Variants in OTUD4 observed in about 807,000 individuals in gnomAD.
OTUD4 encodes OTU domain-containing protein 4.
OTUD4 carries 24 observed loss-of-function variants against 130.4 expected under a neutral mutation model. The observed-to-expected ratio is 0.18, with a 90% CI of 0.13 to 0.26. The LOEUF (loss-of-function observed/expected upper bound fraction) is 0.26. Among genes scored for constraint, OTUD4 ranks in the 10% least tolerant of loss-of-function variants. The pLI is 1.00. For missense variants in OTUD4, 1,031 were observed against 1,329.4 expected (o/e 0.78, Z 3.49); for synonymous variants, 420 against 472.5 (o/e 0.89, Z 1.44).
At chr4:145,157,217 C>T (rs1375300587) in intron 7 of OTUD4, among the ~76,000 whole-genome samples, 1 of 152,032 alleles carries the variant, frequency 6.6e-6, no homozygotes, top group Admixed American at 6.5e-5. Flanking sequence ...AATAAGTAGG[C>T]AAAAAATGAG....
chr4:145,152,976 C>A lies in OTUD4; in HGVS notation c.874-341G>T, dbSNP rs1045525806. Among the ~76,000 whole-genome samples the A allele has an allele frequency of 3.9e-5, 6 of 151,962 alleles. No individual in the cohort carries two copies. In the South Asian group the frequency reaches 1.2e-3, roughly 32 times the overall value. ...TCTCAAACTCCTGACCTCAAGTGAT[C>A]CACCCGCCTAGGCCTCCCGAAGTGC... On this transcript the variant is annotated intron_variant, in intron 10 of 20. Transcript: ENST00000447906.
At chr4:145,151,273 T>C (rs1751054572) in intron 11 of OTUD4, among the ~76,000 whole-genome samples, 1 of 152,112 alleles carries the variant, frequency 6.6e-6, no homozygotes, top group African/African-American at 2.4e-5. Context: ...GGTGTGATGT[T>C]TGGATTCCTT....
In OTUD4 at chr4:145,138,225, T is replaced by C; in HGVS notation, c.2550A>G (p.Pro850=). ...PSFGPNPFLG[P]VPIAPPFFPH... Reference sequence around the variant, plus strand: ...GAAAGAAAGGAGGTGCAATAGGAACTGGGCCTAAGAATGGATTGGGTCCAA... The same window carrying C: ...GAAAGAAAGGAGGTGCAATAGGAACCGGGCCTAAGAATGGATTGGGTCCAA... Residue 850 remains proline, a synonymous_variant, in exon 21 of 21, where the codon CCA becomes CCG. Transcript: ENST00000447906. 6.2e-7 allele frequency: 1 copy of C among 1,614,000 alleles called. No homozygotes were observed. The highest frequency in any genetic ancestry group is 1.1e-5 in the South Asian group (1 of 91,074).
chr4:145,171,445 T>G (rs1730027108), intron 3 of OTUD4: 1 of 427,272 alleles, frequency 2.3e-6, no homozygotes, highest in African/African-American at 2.1e-5. Context: ...CATGCCATTA[T>G]AGCCAAGATA....
rs536374391 is a variant in OTUD4, at chr4:145,144,493, C to T, written c.1423-59G>A. 4.8e-5 allele frequency: 73 copies of T among 1,509,846 alleles called. No individual in the cohort carries two copies. The African/African-American group carries it at 9.6e-4, about 20-fold the overall frequency. 93.5% of individuals were successfully genotyped at this position (1,509,846 alleles called of 1,614,324 possible). A position where few individuals can be genotyped will look rare whatever the true frequency, so the allele number is the denominator to read the frequency against. On this transcript the variant is annotated intron_variant, in intron 14 of 20. Coordinates refer to ENST00000447906, the MANE Select transcript of OTUD4 (RefSeq NM_001366057.1). ...AAAGATTTACCCACAGATACATGAA[C>T]AAATTCTGTAATTAATCTCACTCTT...
intron 15 of OTUD4, 106 bp from the exon 16 acceptor site, chr4:145,144,107 A>G (rs1012605444): frequency 5.1e-5 from 56 of 1,092,510 alleles, no homozygotes; most frequent in Non-Finnish European, 7.5e-5. Context: ...TATTTGAACC[A>G]TGTTTAGTCA....
chr4:145,175,775 C>G (rs901736207), intron 1 of OTUD4, among the ~76,000 whole-genome samples: 6 of 152,024 alleles, frequency 3.9e-5, no homozygotes, highest in African/African-American at 1.5e-4. Context: ...AAACTCCTGA[C>G]CTCGTGATCC....
intron 17 of OTUD4, among the ~76,000 whole-genome samples, chr4:145,143,067 A>G (rs949989150): frequency 6.6e-6 from 1 of 152,244 alleles, no homozygotes; most frequent in East Asian, 1.9e-4. Flanking sequence ...AAATCTACCA[A>G]AGTAATACAA....
chr4:145,144,270 G>C, intron 15 of OTUD4, 41 bp downstream of exon 15: 1 of 1,590,386 alleles, frequency 6.3e-7, no homozygotes, highest in Non-Finnish European at 8.5e-7. Flanking sequence ...GTCATCTAAA[G>C]AGATCTCTAG....
intron 7 of OTUD4, among the ~76,000 whole-genome samples, chr4:145,156,450 C>T (rs932492426): frequency 6.6e-6 from 1 of 152,118 alleles, no homozygotes; most frequent in Non-Finnish European, 1.5e-5. Context: ...TTGGGAGGCA[C>T]AGGCAGGCAG....
At chr4:145,142,917 T>C (rs1298991676) in intron 17 of OTUD4, among the ~76,000 whole-genome samples, 1 of 152,250 alleles carries the variant, frequency 6.6e-6, no homozygotes, top group Non-Finnish European at 1.5e-5. Flanking sequence ...TGTAAATTGG[T>C]ATTTTTTTAA....
At chr4:145,164,859 T>C (rs573455829) in intron 4 of OTUD4, among the ~76,000 whole-genome samples, 1 of 152,318 alleles carries the variant, frequency 6.6e-6, no homozygotes, top group Admixed American at 6.5e-5. Flanking sequence ...TCAATACCAC[T>C]GACCCTGAGA....
intron 11 of OTUD4, among the ~76,000 whole-genome samples, chr4:145,151,154 T>C (rs1419045856): frequency 6.6e-6 from 1 of 152,138 alleles, no homozygotes; most frequent in Non-Finnish European, 1.5e-5. Flanking sequence ...AAGCAAAAGT[T>C]AAATAAATAC....
chr4:145,171,903 T>C (rs553523875), intron 2 of OTUD4, among the ~76,000 whole-genome samples, 183 bp from the exon 3 acceptor site: 1 of 152,314 alleles, frequency 6.6e-6, no homozygotes, highest in African/African-American at 2.4e-5. Flanking sequence ...TTAAAGACTA[T>C]AAACATACAA....
chr4:145,163,641 C>A (rs1422887097), intron 5 of OTUD4, among the ~76,000 whole-genome samples: 2 of 148,442 alleles, frequency 1.3e-5, no homozygotes, highest in African/African-American at 5.0e-5. Flanking sequence ...GGGTTAAATA[C>A]AGTAACTTGT....
chr4:145,150,747 A>G (rs1010969841), intron 12 of OTUD4, 48 bp from the exon 13 acceptor site: 28 of 1,606,668 alleles, frequency 1.7e-5, no homozygotes, highest in Non-Finnish European at 2.4e-5. Flanking sequence ...ATTATAAACA[A>G]TCCCAAGTAC....
Position 145,164,152 on chromosome 4 carries a change from A to G in OTUD4, c.414+2T>C. 1 of 1,384,092 alleles carries G rather than the reference A, an allele frequency of 7.2e-7. No individual in the cohort carries two copies. Among genetic ancestry groups the G allele is most frequent in the Non-Finnish European group, 1.0e-6 (1 of 995,256 alleles). The allele number at this position is 1,384,092 out of a possible 1,614,324, so 85.7% of individuals were successfully genotyped here. A position where few individuals can be genotyped will look rare whatever the true frequency, so the allele number is the denominator to read the frequency against. The stretch of plus-strand genomic sequence containing the variant: ...CTTTAGAACACTTTGAAAAATTCTT[A>G]CCTTTTCAGGAAAATTATTTTCTGT... On this transcript the variant is annotated splice_donor_variant, in intron 5 of 20. Transcript: ENST00000447906. LOFTEE classifies it high-confidence loss of function.
At chr4:145,160,683 C>T (rs1751516305) in intron 6 of OTUD4, among the ~76,000 whole-genome samples, 1 of 152,048 alleles carries the variant, frequency 6.6e-6, no homozygotes, top group Non-Finnish European at 1.5e-5. Flanking sequence ...TGTGGTGGTG[C>T]ACACCTGTAA....
At chr4:145,141,168 C>CAAA (rs1200809073) in intron 19 of OTUD4, among the ~76,000 whole-genome samples, 1 of 54,878 alleles carries the variant, frequency 1.8e-5, no homozygotes, top group African/African-American at 6.3e-5. Flanking sequence ...GACTCCGTCT[C>CAAA]AAAAAAAAAA....
Sources: allele counts gnomAD v4.1 joint callset (sites outside exome capture counted in the v4.1 genomes callset), GRCh38; gene constraint gnomAD v4.1.1; transcripts MANE v1.5; gene names NCBI Gene and HGNC (gene_info 2026-07-23, HGNC 2026-07-21).